Variants in ANK3 observed in about 807,000 individuals in gnomAD.
ANK3 encodes ankyrin 3, also known as ankyrin-3.
In ANK3, 57 loss-of-function variants were observed where a neutral mutation model predicts 370.9. The ratio of observed to expected loss-of-function variants is 0.15; its 90% CI spans 0.12 to 0.19. The LOEUF is 0.19. Among genes scored for constraint, ANK3 ranks in the 10% least tolerant of loss-of-function variants. The probability of loss-of-function intolerance (pLI) is 1.00; values close to 1 mark genes in which losing one functional copy is unlikely to be tolerated. For missense variants in ANK3, 4,439 were observed against 5,302.1 expected (o/e 0.84, Z 5.06); for synonymous variants, 1,929 against 1,946.3 (o/e 0.99, Z 0.23).
chr10:60,684,902 C>A, intron 1 of ANK3: 3 of 1,491,866 alleles, frequency 2.0e-6, no homozygotes, highest in Non-Finnish European at 1.8e-6. Flanking sequence ...CTTACAGTTG[C>A]TAATAAACAA....
chr10:60,634,990 C>G (rs546989116), intron 1 of ANK3, among the ~76,000 whole-genome samples: 2 of 152,160 alleles, frequency 1.3e-5, no homozygotes, highest in Non-Finnish European at 1.5e-5. Context: ...CACAAGGGTC[C>G]GTGGCTTCAT....
chr10:60,543,159 T>C (rs1395135606), intron 2 of ANK3, among the ~76,000 whole-genome samples: 1 of 151,894 alleles, frequency 6.6e-6, no homozygotes, highest in Non-Finnish European at 1.5e-5. Flanking sequence ...GTCTGACAAA[T>C]ATATGTGAAG....
At chr10:60,410,614 G>A (rs2063539325) in intron 2 of ANK3, among the ~76,000 whole-genome samples, 1 of 152,160 alleles carries the variant, frequency 6.6e-6, no homozygotes, top group African/African-American at 2.4e-5. Flanking sequence ...GAAAGGGGAT[G>A]CAGATTGATG....
At chr10:60,697,333 G>A (rs1293146248) in intron 1 of ANK3, among the ~76,000 whole-genome samples, 1 of 151,902 alleles carries the variant, frequency 6.6e-6, no homozygotes, top group East Asian at 1.9e-4. Context: ...ACTGCCCAAG[G>A]TAATTTACAA....
chr10:60,063,509 G>C, intron 39 of ANK3, among the ~76,000 whole-genome samples: 1 of 152,194 alleles, frequency 6.6e-6, no homozygotes, highest in African/African-American at 2.4e-5. Context: ...CTAGATTCCT[G>C]TTGGCTATAA....
chr10:60,296,220 C>T (rs1566352512), intron 1 of ANK3, among the ~76,000 whole-genome samples: 3 of 152,224 alleles, frequency 2.0e-5, no homozygotes, highest in Non-Finnish European at 2.9e-5. Context: ...AGTCGAAATA[C>T]TTGAACACTA....
intron 1 of ANK3, among the ~76,000 whole-genome samples, chr10:60,333,980 T>C (rs548598028): frequency 3.9e-5 from 6 of 152,332 alleles, no homozygotes; most frequent in African/African-American, 7.2e-5. Context: ...CCACTAATGA[T>C]GTATACATGT....
intron 7 of ANK3, among the ~76,000 whole-genome samples, chr10:60,255,072 T>G (rs892760209): frequency 6.6e-6 from 1 of 152,188 alleles, no homozygotes; most frequent in Non-Finnish European, 1.5e-5. Context: ...ACATTTTTAC[T>G]TTAGCCCTCA....
intron 2 of ANK3, among the ~76,000 whole-genome samples, chr10:60,473,671 G>C (rs192540423): frequency 1.3e-5 from 2 of 152,202 alleles, no homozygotes. Flanking sequence ...ACCTCAATAG[G>C]CTTGGGGTGA....
intron 2 of ANK3, among the ~76,000 whole-genome samples, chr10:60,521,102 C>T (rs969154896): frequency 5.9e-5 from 9 of 151,910 alleles, no homozygotes; most frequent in African/African-American, 1.9e-4. Flanking sequence ...ATAAATCATG[C>T]CTAGGAGACT....
At chr10:60,474,065 C>T (rs1038909160) in intron 2 of ANK3, among the ~76,000 whole-genome samples, 6 of 150,794 alleles carry the variant, frequency 4.0e-5, no homozygotes, top group Non-Finnish European at 5.9e-5. Flanking sequence ...CCCAGGAGTT[C>T]GAGGCTGCAG....
intron 36 of ANK3, among the ~76,000 whole-genome samples, chr10:60,078,209 T>TA (rs2084275690): frequency 6.6e-6 from 1 of 152,258 alleles, no homozygotes; most frequent in Non-Finnish European, 1.5e-5. Flanking sequence ...GATTAGCAGC[T>TA]ACTCTCACAA....
Position 60,072,502 on chromosome 10 carries a change from A to G in ANK3, c.8379T>C (p.His2793=), listed in dbSNP as rs754989066. The G allele has an allele frequency of 6.8e-6, 11 of 1,613,896 alleles. No homozygotes were observed. The East Asian group carries it at 1.1e-4, about 16-fold the overall frequency. The change falls in exon 37 of 44, where the codon CAT becomes CAC. Residue 2793 remains histidine (H), a synonymous_variant. Transcript: ENST00000280772. ...DFMVLKTKDE[H]AQSNEIVVND... ...TTACAACAATTTCGTTGCTTTGGGCATGCTCATCTTTGGTTTTTAATACCA... is the reference window on the plus strand; with the variant it reads ...TTACAACAATTTCGTTGCTTTGGGCGTGCTCATCTTTGGTTTTTAATACCA...
intron 2 of ANK3, among the ~76,000 whole-genome samples, chr10:60,451,991 C>T (rs377735118): frequency 8.5e-5 from 13 of 152,298 alleles, no homozygotes; most frequent in African/African-American, 3.1e-4. Context: ...GGATGTGAGG[C>T]GCATTCGCTC....
chr10:60,072,422 G>A lies in ANK3; in HGVS notation c.8459C>T (p.Ala2820Val). Residue 2820 changes from alanine (A) to valine (V), a missense_variant, in exon 37 of 44, where the codon GCA becomes GTA. Transcript: ENST00000280772. ...KKQRTEMSSK[A>V]MPDSFSEQQA... ...CTGCTCAGAAAAAGAGTCAGGCATT[G>A]CTTTACTTGACATTTCAGTTCTCTG... 1 of 1,614,038 alleles carries A rather than the reference G, an allele frequency of 6.2e-7. No homozygotes were observed. Among genetic ancestry groups the A allele is most frequent in the Non-Finnish European group, 8.5e-7 (1 of 1,180,002 alleles).
At chr10:60,376,265 A>G (rs1208808080) in intron 1 of ANK3, among the ~76,000 whole-genome samples, 1 of 152,228 alleles carries the variant, frequency 6.6e-6, no homozygotes, top group Non-Finnish European at 1.5e-5. Flanking sequence ...CACAGGCACA[A>G]TGCAGATCGT....
At chr10:60,381,212 A>G (rs1479413043) in intron 1 of ANK3, among the ~76,000 whole-genome samples, 1 of 152,076 alleles carries the variant, frequency 6.6e-6, no homozygotes, top group Non-Finnish European at 1.5e-5. Flanking sequence ...CAACCCAAGC[A>G]GTCTTTTTTT....
At chr10:60,346,599 T>C (rs1471475629) in intron 1 of ANK3, among the ~76,000 whole-genome samples, 2 of 147,860 alleles carry the variant, frequency 1.4e-5, no homozygotes, top group Non-Finnish European at 3.0e-5. Context: ...TTATCACACA[T>C]TGTTAGAGAA....
chr10:60,251,422 G>A (rs1011775138), intron 7 of ANK3, among the ~76,000 whole-genome samples: 1 of 152,112 alleles, frequency 6.6e-6, no homozygotes, highest in Non-Finnish European at 1.5e-5. Flanking sequence ...TGTCTGATGG[G>A]TGCATCACTG....
Sources: gnomAD v4.1 joint callset for allele counts (sites outside exome capture counted in the v4.1 genomes callset) on GRCh38, gnomAD v4.1.1 for gene constraint, MANE v1.5 for transcripts, NCBI Gene and HGNC (gene_info 2026-07-23, HGNC 2026-07-21) for gene names.